PHIP: variants seen among roughly 807,000 people sequenced by gnomAD.
PHIP encodes the protein PH-interacting protein.
Under a neutral mutation model 236.8 loss-of-function variants are expected in PHIP, and 54 were observed. The ratio of observed to expected loss-of-function variants is 0.23; its 90% CI spans 0.18 to 0.29. PHIP has a LOEUF of 0.29. Among genes scored for constraint, PHIP ranks in the 10% least tolerant of loss-of-function variants. PHIP has a pLI of 1.00. For synonymous variants in PHIP, 756 were observed against 718.9 expected (o/e 1.05, Z -0.83); for missense variants, 1,370 against 2,190.8 (o/e 0.63, Z 7.48).
chr6:79,043,463 T>C (rs892371977), intron 6 of PHIP, among the ~76,000 whole-genome samples: 2 of 152,126 alleles, frequency 1.3e-5, no homozygotes, highest in Non-Finnish European at 2.9e-5. Flanking sequence ...AGAATGATAT[T>C]TAAAAACATC....
intron 15 of PHIP, among the ~76,000 whole-genome samples, chr6:79,011,075 A>G (rs1292662033): frequency 6.6e-6 from 1 of 151,838 alleles, no homozygotes; most frequent in Non-Finnish European, 1.5e-5. Flanking sequence ...GGGAGTATAG[A>G]GCCTTTAGAG....
intron 20 of PHIP, among the ~76,000 whole-genome samples, chr6:78,989,112 T>C (rs1769054224): frequency 6.6e-6 from 1 of 152,120 alleles, no homozygotes; most frequent in African/African-American, 2.4e-5. Flanking sequence ...TTAATAAAGC[T>C]ATCTCAAAAG....
intron 4 of PHIP, among the ~76,000 whole-genome samples, chr6:79,069,772 AT>A (rs1773797016): frequency 6.6e-6 from 1 of 151,984 alleles, no homozygotes; most frequent in African/African-American, 2.4e-5. Flanking sequence ...CTTTATAATT[AT>A]AATAAAATTA....
chr6:79,044,569 C>A (rs1772377224), intron 6 of PHIP, among the ~76,000 whole-genome samples: 1 of 152,178 alleles, frequency 6.6e-6, no homozygotes, highest in South Asian at 2.1e-4. Context: ...GGATCACTCA[C>A]ATCTCAGACT....
chr6:79,041,725 T>C (rs1772225557), intron 7 of PHIP, among the ~76,000 whole-genome samples: 2 of 152,070 alleles, frequency 1.3e-5, no homozygotes, highest in Admixed American at 6.6e-5. Flanking sequence ...GAGATGCCTA[T>C]TTTCCACTCT....
chr6:78,963,305 G>A, intron 29 of PHIP, 53 bp from the exon 30 acceptor site: 2 of 1,426,558 alleles, frequency 1.4e-6, no homozygotes, highest in South Asian at 1.3e-5. Context: ...TTAGTATTCA[G>A]GTTAGCTTTA....
At chr6:79,011,619 C>G (rs1770581440) in intron 15 of PHIP, among the ~76,000 whole-genome samples, 1 of 151,748 alleles carries the variant, frequency 6.6e-6, no homozygotes, top group South Asian at 2.1e-4. Flanking sequence ...CCAGCACCCA[C>G]TCCCCAACTG....
chr6:78,957,781 A>C, intron 32 of PHIP: 1 of 152,128 alleles, frequency 6.6e-6, no homozygotes. Flanking sequence ...AGGAGGCTCA[A>C]TTCATTATAT....
At chr6:79,033,933 C>G (rs1404832062) in intron 7 of PHIP, among the ~76,000 whole-genome samples, 1 of 151,928 alleles carries the variant, frequency 6.6e-6, no homozygotes, top group Non-Finnish European at 1.5e-5. Context: ...ATAGGCAGGC[C>G]CAAGGAGAGA....
chr6:78,987,937 G>A (rs1316251555), intron 21 of PHIP, among the ~76,000 whole-genome samples: 1 of 152,104 alleles, frequency 6.6e-6, no homozygotes, highest in Non-Finnish European at 1.5e-5. Flanking sequence ...CTTAATAGGT[G>A]ACTGTATAGT....
intron 35 of PHIP, among the ~76,000 whole-genome samples, chr6:78,948,997 AT>A (rs920897269): frequency 6.6e-6 from 1 of 152,006 alleles, no homozygotes; most frequent in Non-Finnish European, 1.5e-5. Flanking sequence ...GCCTTATTGC[AT>A]TGGCTAGAAT....
chr6:78,969,754 T>A (rs970285058), intron 27 of PHIP, 81 bp downstream of exon 27: 1 of 625,576 alleles, frequency 1.6e-6, no homozygotes, highest in Admixed American at 3.3e-5. Context: ...AATCTTTTTC[T>A]CAATTATGAA....
chr6:78,991,046 G>C, intron 19 of PHIP, 61 bp from the exon 20 acceptor site: 6 of 968,850 alleles, frequency 6.2e-6, no homozygotes, highest in Non-Finnish European at 9.6e-6. Context: ...CCTCCAAAAG[G>C]AATGTTAGGT....
intron 7 of PHIP, among the ~76,000 whole-genome samples, chr6:79,035,653 CAT>C (rs1771896444): frequency 6.6e-6 from 1 of 152,166 alleles, no homozygotes; most frequent in Non-Finnish European, 1.5e-5. Flanking sequence ...TCAGAGATCT[CAT>C]CTCTTATTGC....
chr6:79,038,816 CAT>C (rs1772070308), intron 7 of PHIP, among the ~76,000 whole-genome samples: 3 of 152,196 alleles, frequency 2.0e-5, no homozygotes. Flanking sequence ...TGACTTTCCA[CAT>C]AGATATCTCA....
At chr6:79,064,174 C>G (rs1343565572) in intron 4 of PHIP, among the ~76,000 whole-genome samples, 1 of 152,138 alleles carries the variant, frequency 6.6e-6, no homozygotes, top group Non-Finnish European at 1.5e-5. Context: ...TGAATCCTAA[C>G]TTCTCTGACT....
intron 23 of PHIP, among the ~76,000 whole-genome samples, chr6:78,979,774 TTTAC>T (rs1768385776): frequency 6.6e-6 from 1 of 152,088 alleles, no homozygotes; most frequent in South Asian, 2.1e-4. Flanking sequence ...ACTGCTACAT[TTTAC>T]TTGTTTTTTT....
At chr6:79,010,364 T>C (rs562344640) in intron 15 of PHIP, among the ~76,000 whole-genome samples, 6 of 151,932 alleles carry the variant, frequency 3.9e-5, no homozygotes, top group Admixed American at 1.3e-4. Context: ...AGGAGAAATA[T>C]ATTGTTCTGG....
At chr6:78,979,519 C>A (rs1433046960) in intron 23 of PHIP, among the ~76,000 whole-genome samples, 2 of 151,958 alleles carry the variant, frequency 1.3e-5, no homozygotes, top group African/African-American at 4.8e-5. Flanking sequence ...CTAATTATTT[C>A]CATAAGCTGG....
Sources: allele counts gnomAD v4.1 joint callset (sites outside exome capture counted in the v4.1 genomes callset), GRCh38; gene constraint gnomAD v4.1.1; transcripts MANE v1.5; gene names NCBI Gene and HGNC (gene_info 2026-07-23, HGNC 2026-07-21).